The following SLCO3A1 variants were observed in gnomAD, a reference collection of about 807,000 sequenced individuals.
The protein encoded by SLCO3A1 is solute carrier organic anion transporter family member 3A1.
In SLCO3A1, 27 loss-of-function variants were observed where a neutral mutation model predicts 63.1. The observed-to-expected ratio is 0.43, with a 90% CI of 0.32 to 0.59. SLCO3A1 has a LOEUF of 0.59. Among genes scored for constraint, SLCO3A1 ranks in the 20% least tolerant of loss-of-function variants. The probability of loss-of-function intolerance (pLI) is 0.09; values close to 1 mark genes in which losing one functional copy is unlikely to be tolerated. For missense variants in SLCO3A1, 773 were observed against 945.8 expected (o/e 0.82, Z 2.40); for synonymous variants, 473 against 409.9 (o/e 1.15, Z -1.86).
rs115857300 is a variant in SLCO3A1, at chr15:92,052,550, G to A, written c.647-42331G>A. Among the ~76,000 whole-genome samples, 660 of 152,184 alleles carry A rather than the reference G, an allele frequency of 4.3e-3. 6 individuals carry two copies. Among genetic ancestry groups the A allele is most frequent in the African/African-American group, 0.015 (635 of 41,524 alleles). On this transcript the variant is annotated intron_variant, in intron 2 of 9. Transcript: ENST00000318445. ...ACCAGCCTCAGATTGGATACCTTCA[G>A]TCACAGGGAGATCGCTCTTCCCAAG...
At chr15:92,087,114 T>C (rs1455591472) in intron 2 of SLCO3A1, among the ~76,000 whole-genome samples, 10 of 152,200 alleles carry the variant, frequency 6.6e-5, no homozygotes, top group Non-Finnish European at 1.5e-4. Flanking sequence ...CTGGAATTGA[T>C]TTTTGCACGT....
In SLCO3A1 at chr15:91,880,754, C is replaced by T. The variant is rs185610679; in HGVS notation, c.180+26666C>T. On this transcript the variant is annotated intron_variant, in intron 1 of 9. Transcript: ENST00000318445. ...TGTGGAGGTACTCCTGTTAGTTAAC[C>T]GTTCACCTCTTGATGGCATTTGGGT... Among the ~76,000 whole-genome samples the T allele has an allele frequency of 5.3e-5, 8 of 152,070 alleles. No homozygotes were observed. The East Asian group carries it at 9.7e-4, about 18-fold the overall frequency.
chr15:91,997,610 G>T, intron 2 of SLCO3A1, among the ~76,000 whole-genome samples: 1 of 152,126 alleles, frequency 6.6e-6, no homozygotes. Context: ...TTTAAACTAT[G>T]CTATAAAGAC....
At chr15:92,055,499 G>A (rs1010560489) in intron 2 of SLCO3A1, among the ~76,000 whole-genome samples, 1 of 152,086 alleles carries the variant, frequency 6.6e-6, no homozygotes, top group Non-Finnish European at 1.5e-5. Flanking sequence ...CTCTACTTGT[G>A]TAGGTTTTTT....
chr15:92,003,253 G>A (rs59932205), intron 2 of SLCO3A1, among the ~76,000 whole-genome samples: 2,185 of 152,272 alleles, frequency 0.014, 55 homozygotes, highest in African/African-American at 0.049. Context: ...AATGTTTGTC[G>A]AGTGCACTTA....
At chr15:92,065,205 C>T (rs1339633765) in intron 2 of SLCO3A1, among the ~76,000 whole-genome samples, 1 of 152,174 alleles carries the variant, frequency 6.6e-6, no homozygotes, top group Non-Finnish European at 1.5e-5. Flanking sequence ...GCCTCGGCCT[C>T]CCAAGTAGCT....
In SLCO3A1 at chr15:92,094,897, G is replaced by A. The variant is rs1255398085; in HGVS notation, c.663G>A (p.Met221Ile). ...TTCCTTCAGGAATCCTGTTCACGAT[G>A]CTGGTATTTGGACCAGCCTGCGGGT... ...SSLYIGILFT[M>I]LVFGPACGFI... is the part of the protein sequence containing the mutation. The change falls in exon 3 of 10, where the codon ATG becomes ATA. Residue 221 changes from methionine (M) to isoleucine (I), a missense_variant. This residue lies in a region of SLCO3A1 where 565 missense variants were observed against 749.8 expected (regional missense o/e 0.75). Coordinates refer to ENST00000318445, the MANE Select transcript of SLCO3A1 (RefSeq NM_013272.4). 6.2e-7 allele frequency: 1 copy of A among 1,613,028 alleles called. No homozygotes were observed.
rs1452667017 is a variant in SLCO3A1, at chr15:92,050,518, A to T, written c.647-44363A>T. On this transcript the variant is annotated intron_variant, in intron 2 of 9. Coordinates refer to ENST00000318445, the MANE Select transcript of SLCO3A1 (RefSeq NM_013272.4). ...TGCACACTGGTATGGTCGGAAGTGG[A>T]TACAAGCCCTTGCCCTCATTACCCA... Among the ~76,000 whole-genome samples the T allele has an allele frequency of 4.6e-5, 7 of 152,302 alleles. No individual in the cohort carries two copies. In the East Asian group the frequency reaches 1.4e-3, roughly 29 times the overall value.
At chr15:92,030,563 C>G (rs2046634491) in intron 2 of SLCO3A1, among the ~76,000 whole-genome samples, 1 of 152,192 alleles carries the variant, frequency 6.6e-6, no homozygotes, top group African/African-American at 2.4e-5. Context: ...GAACTCTGCC[C>G]TAAATCCAGC....
At chr15:91,984,058 G>C (rs544436830) in intron 2 of SLCO3A1, among the ~76,000 whole-genome samples, 1 of 152,114 alleles carries the variant, frequency 6.6e-6, no homozygotes. Context: ...ACCAAACAAG[G>C]GTTCTGTTTA....
intron 2 of SLCO3A1, among the ~76,000 whole-genome samples, chr15:92,039,464 A>G (rs1257393432): frequency 6.6e-6 from 1 of 152,262 alleles, no homozygotes; most frequent in Non-Finnish European, 1.5e-5. Flanking sequence ...AAACATAGGA[A>G]GAAAAGCTCC....
At position 92,165,648 on chromosome 15, in the gene SLCO3A1, A is replaced by G. The variant is rs1040065866; in HGVS notation, c.*2513A>G. On this transcript the variant is annotated 3_prime_UTR_variant, in exon 10 of 10. Transcript: ENST00000318445. The stretch of plus-strand genomic sequence containing the variant: ...TCAGCAATTGGGTATAAATTTAAAG[A>G]CCGCTGTTGCAGGATGGCTCTGAAT... The G allele has an allele frequency of 4.1e-6, 4 of 985,264 alleles. No homozygotes were observed. The African/African-American group carries it at 7.0e-5, about 17-fold the overall frequency. 61.0% of individuals were successfully genotyped at this position (985,264 alleles called of 1,614,324 possible). A position where few individuals can be genotyped will look rare whatever the true frequency, so the allele number is the denominator to read the frequency against.
chr15:92,035,004 A>G (rs1274922924), intron 2 of SLCO3A1, among the ~76,000 whole-genome samples: 3 of 151,932 alleles, frequency 2.0e-5, no homozygotes, highest in South Asian at 2.1e-4. Flanking sequence ...GTTTGGAAAG[A>G]TTCAATGGCT....
At chr15:92,128,289 G>T (rs781325573) in intron 6 of SLCO3A1, 62 bp from the exon 7 acceptor site, 1 of 1,601,936 alleles carries the variant, frequency 6.2e-7, no homozygotes, top group Non-Finnish European at 8.5e-7. Flanking sequence ...GGCTGTCACT[G>T]GGGGCATCTG....
At chr15:92,110,502 T>A (rs951610456) in intron 4 of SLCO3A1, among the ~76,000 whole-genome samples, 3 of 152,140 alleles carry the variant, frequency 2.0e-5, no homozygotes, top group African/African-American at 7.2e-5. Context: ...TGGTCTCTTT[T>A]CAGTTCTCCC....
chr15:92,102,680 A>C (rs2047620478), intron 3 of SLCO3A1, among the ~76,000 whole-genome samples: 3 of 152,200 alleles, frequency 2.0e-5, no homozygotes, highest in African/African-American at 4.8e-5. Flanking sequence ...GGTGTATGTC[A>C]GCATCTCCAG....
At chr15:91,979,533 T>C (rs1035529709) in intron 2 of SLCO3A1, among the ~76,000 whole-genome samples, 2 of 152,174 alleles carry the variant, frequency 1.3e-5, no homozygotes, top group Non-Finnish European at 2.9e-5. Flanking sequence ...TTCTTCTTTC[T>C]ACCTCTTCCC....
At chr15:92,055,155 G>A (rs1276370008) in intron 2 of SLCO3A1, among the ~76,000 whole-genome samples, 1 of 152,148 alleles carries the variant, frequency 6.6e-6, no homozygotes, top group Non-Finnish European at 1.5e-5. Context: ...TTACTGGTGT[G>A]AAATGGTATC....
chr15:92,146,265 C>T, intron 7 of SLCO3A1, among the ~76,000 whole-genome samples: 1 of 152,216 alleles, frequency 6.6e-6, no homozygotes, highest in East Asian at 1.9e-4. Flanking sequence ...CTGTCTGCAA[C>T]AGGCAGCTGG....
Sources: gnomAD v4.1 joint callset for allele counts (sites outside exome capture counted in the v4.1 genomes callset) on GRCh38, gnomAD v4.1.1 for gene constraint, gnomAD v4.1.1 regional missense constraint, MANE v1.5 for transcripts, NCBI Gene and HGNC (gene_info 2026-07-23, HGNC 2026-07-21) for gene names.